PRKN: variants seen among roughly 807,000 people sequenced by gnomAD.
PRKN encodes the protein E3 ubiquitin-protein ligase parkin.
Under a neutral mutation model 59.5 loss-of-function variants are expected in PRKN, and 56 were observed. The observed-to-expected ratio is 0.94, with a 90% CI of 0.76 to 1.18. The LOEUF (loss-of-function observed/expected upper bound fraction) is 1.18. Ranked by LOEUF, PRKN falls within the 50% of genes most tolerant of loss-of-function variation. The probability of loss-of-function intolerance (pLI) is 0.00; values close to 1 mark genes in which losing one functional copy is unlikely to be tolerated. For synonymous variants in PRKN, 250 were observed against 222.1 expected (o/e 1.13, Z -1.12); for missense variants, 657 against 596.4 (o/e 1.10, Z -1.06).
chr6:162,176,225 C>A (rs1348145246), intron 4 of PRKN, among the ~76,000 whole-genome samples: 1 of 151,934 alleles, frequency 6.6e-6, no homozygotes, highest in East Asian at 1.9e-4. Context: ...AATAAACATC[C>A]CTGAAGAGCC....
intron 7 of PRKN, among the ~76,000 whole-genome samples, chr6:161,619,225 A>G (rs1782801731): frequency 6.7e-6 from 1 of 149,770 alleles, no homozygotes; most frequent in African/African-American, 2.5e-5. Context: ...AAGCCTTTAC[A>G]AAAACTGTCT....
chr6:162,646,953 A>G (rs1440944838), intron 1 of PRKN, among the ~76,000 whole-genome samples: 1 of 152,194 alleles, frequency 6.6e-6, no homozygotes, highest in Admixed American at 6.5e-5. Context: ...GTGGCACATG[A>G]TTGTATTATA....
rs921321403 is a variant in PRKN, at chr6:161,359,083, C to T, written c.1285+1005G>A. On this transcript the variant is annotated intron_variant, in intron 11 of 11. Coordinates refer to ENST00000366898, the MANE Select transcript of PRKN (RefSeq NM_004562.3). The surrounding 1 kb of genome is among the most constrained non-coding windows in gnomAD (Gnocchi z 5.4). ...TGCTGGGATTACAGGCGTGAGCCAC[C>T]GCGCCCGGCCGCCTTCTGCTCTTTA... 1.8e-4 allele frequency among the ~76,000 whole-genome samples: 27 copies of T among 152,238 alleles called. No homozygotes were observed. Among genetic ancestry groups the T allele is most frequent in the Admixed American group, 1.7e-3 (26 of 15,294 alleles).
intron 2 of PRKN, among the ~76,000 whole-genome samples, chr6:162,309,625 A>G (rs1782389849): frequency 6.9e-6 from 1 of 144,506 alleles, no homozygotes; most frequent in African/African-American, 2.9e-5. Context: ...TTCTACTTAC[A>G]CTGTGCGTAA....
intron 9 of PRKN, among the ~76,000 whole-genome samples, chr6:161,537,100 A>G (rs1407251051): frequency 6.6e-6 from 1 of 152,240 alleles, no homozygotes; most frequent in Non-Finnish European, 1.5e-5. Flanking sequence ...CTTCACATAA[A>G]AGAGTTTTTG....
At chr6:161,517,236 G>A (rs564431486) in intron 9 of PRKN, among the ~76,000 whole-genome samples, 14 of 152,240 alleles carry the variant, frequency 9.2e-5, no homozygotes, top group African/African-American at 3.1e-4. Context: ...GCAGGGTTCC[G>A]TGTGACTGAC....
At chr6:162,441,412 C>T (rs1790044617) in intron 2 of PRKN, among the ~76,000 whole-genome samples, 1 of 152,172 alleles carries the variant, frequency 6.6e-6, no homozygotes, top group Non-Finnish European at 1.5e-5. Flanking sequence ...CCTATTCCTC[C>T]ATCTACAGAA....
At chr6:162,051,162 G>A (rs951565438) in intron 5 of PRKN, among the ~76,000 whole-genome samples, 1 of 152,082 alleles carries the variant, frequency 6.6e-6, no homozygotes, top group Non-Finnish European at 1.5e-5. Context: ...CAAAGCTGTC[G>A]CCTCCTTCAG....
At position 161,940,015 on chromosome 6, in the gene PRKN, C is replaced by T. The variant is rs542547622; in HGVS notation, c.734+33287G>A. ...CCGGGTTCAAACAATTCTCTGCCACCATCTCCCAAGTAGCTGAGATTAAGT... is the reference window on the plus strand; with the variant it reads ...CCGGGTTCAAACAATTCTCTGCCACTATCTCCCAAGTAGCTGAGATTAAGT... On this transcript the variant is annotated intron_variant, in intron 6 of 11. Transcript: ENST00000366898. 1.7e-4 allele frequency among the ~76,000 whole-genome samples: 26 copies of T among 152,082 alleles called. 1 individual carries two copies. The highest frequency in any genetic ancestry group is 3.4e-3 in the Middle Eastern group (1 of 294).
intron 2 of PRKN, among the ~76,000 whole-genome samples, chr6:162,304,528 T>TATCTA (rs1554297810): frequency 5.7e-5 from 8 of 141,462 alleles, no homozygotes; most frequent in Non-Finnish European, 1.1e-4. Context: ...TCTATCTATC[T>TATCTA]ATCTATCTAT....
intron 6 of PRKN, among the ~76,000 whole-genome samples, chr6:161,868,139 T>C (rs1794198679): frequency 6.6e-6 from 1 of 152,154 alleles, no homozygotes; most frequent in Admixed American, 6.5e-5. Flanking sequence ...AAGATCATTT[T>C]CACTATTGAG....
chr6:161,460,239 G>C lies in PRKN; in HGVS notation c.1084-73362C>G, dbSNP rs1160919101. Among the ~76,000 whole-genome samples the C allele has an allele frequency of 6.6e-6, 1 of 152,196 alleles. No homozygotes were observed. Among genetic ancestry groups the C allele is most frequent in the Non-Finnish European group, 1.5e-5 (1 of 68,046 alleles). On this transcript the variant is annotated intron_variant, in intron 9 of 11. Coordinates refer to ENST00000366898, the MANE Select transcript of PRKN (RefSeq NM_004562.3). The surrounding 1 kb of genome is among the most constrained non-coding windows in gnomAD (Gnocchi z 5.0). ...GGATGTCACAGAGGTTGCAACAAAA[G>C]ATTATTTTATTTAATTCTTGTTGAT...
intron 7 of PRKN, among the ~76,000 whole-genome samples, chr6:161,660,167 C>T (rs574741698): frequency 4.6e-5 from 7 of 152,170 alleles, no homozygotes; most frequent in South Asian, 4.2e-4. Flanking sequence ...AGAAGGGTAG[C>T]GGATGGAGGC....
intron 4 of PRKN, among the ~76,000 whole-genome samples, chr6:162,067,339 C>T (rs1778383051): frequency 6.6e-6 from 1 of 152,072 alleles, no homozygotes; most frequent in African/African-American, 2.4e-5. Flanking sequence ...ATAGAAAAAT[C>T]AATGGAGCAC....
intron 1 of PRKN, among the ~76,000 whole-genome samples, chr6:162,559,319 T>G (rs765309195): frequency 6.6e-6 from 1 of 152,054 alleles, no homozygotes; most frequent in African/African-American, 2.4e-5. Context: ...CAGGTAAAAT[T>G]TTTGTTCTAT....
chr6:162,653,143 T>C (rs1778508836), intron 1 of PRKN, among the ~76,000 whole-genome samples: 1 of 152,246 alleles, frequency 6.6e-6, no homozygotes, highest in Non-Finnish European at 1.5e-5. Context: ...TTAAAAGATT[T>C]AAAAATCGAT....
chr6:162,433,369 A>G (rs1789626181), intron 2 of PRKN, among the ~76,000 whole-genome samples: 1 of 152,190 alleles, frequency 6.6e-6, no homozygotes, highest in Non-Finnish European at 1.5e-5. Flanking sequence ...ACTTCATTAT[A>G]ACAGTGTATT....
At chr6:161,784,593 C>T (rs941283603) in intron 7 of PRKN, among the ~76,000 whole-genome samples, 2 of 152,122 alleles carry the variant, frequency 1.3e-5, no homozygotes, top group Non-Finnish European at 2.9e-5. Flanking sequence ...TTCACACTTA[C>T]TAGGATGACT....
Position 161,360,311 on chromosome 6 carries a change from C to T in PRKN, c.1168-106G>A. On this transcript the variant is annotated intron_variant, in intron 10 of 11. Transcript: ENST00000366898. This position sits in a 1 kb window ranked among gnomAD's most constrained non-coding sequence, Gnocchi z 5.1. ...CAGGAAATTCTTGAAGACAGGAGTGCCTTCGGGCAAGAAGCCTAAATATCA... is the reference window on the plus strand; with the variant it reads ...CAGGAAATTCTTGAAGACAGGAGTGTCTTCGGGCAAGAAGCCTAAATATCA... 3 of 909,560 alleles carry T rather than the reference C, an allele frequency of 3.3e-6. No individual in the cohort carries two copies. The highest frequency in any genetic ancestry group is 1.6e-5 in the African/African-American group (1 of 61,674). 56.3% of individuals were successfully genotyped at this position (909,560 alleles called of 1,614,324 possible). A position where few individuals can be genotyped will look rare whatever the true frequency, so the allele number is the denominator to read the frequency against.
Sources: allele counts gnomAD v4.1 joint callset (sites outside exome capture counted in the v4.1 genomes callset), GRCh38; gene constraint gnomAD v4.1.1; non-coding constraint Gnocchi (gnomAD v3.1); transcripts MANE v1.5; gene names NCBI Gene and HGNC (gene_info 2026-07-23, HGNC 2026-07-21).